The following CACNA2D3 variants were observed in gnomAD, a reference collection of about 807,000 sequenced individuals.
CACNA2D3 encodes the protein calcium voltage-gated channel auxiliary subunit alpha2delta 3.
In CACNA2D3, 60 loss-of-function variants were observed where a neutral mutation model predicts 160.6. The observed-to-expected ratio is 0.37, with a 90% CI of 0.30 to 0.46. The LOEUF (loss-of-function observed/expected upper bound fraction) is 0.46. Ranked by LOEUF, CACNA2D3 falls within the 20% of genes least tolerant of loss-of-function variation. The probability of loss-of-function intolerance (pLI) is 1.00; values close to 1 mark genes in which losing one functional copy is unlikely to be tolerated. For synonymous variants in CACNA2D3, 558 were observed against 492.9 expected (o/e 1.13, Z -1.75); for missense variants, 1,205 against 1,365.0 (o/e 0.88, Z 1.85).
chr3:54,736,119 A>ATACATG (rs1701521749), intron 11 of CACNA2D3, among the ~76,000 whole-genome samples: 1 of 48,366 alleles, frequency 2.1e-5, no homozygotes, highest in Non-Finnish European at 3.8e-5. Context: ...GTATATATAT[A>ATACATG]CATATATATA....
At chr3:54,952,818 G>A (rs1315733743) in intron 27 of CACNA2D3, among the ~76,000 whole-genome samples, 1 of 152,136 alleles carries the variant, frequency 6.6e-6, no homozygotes, top group Non-Finnish European at 1.5e-5. Context: ...ATCTATCTAT[G>A]AGGATTCCAC....
chr3:54,787,631 G>T (rs1702666886), intron 13 of CACNA2D3, among the ~76,000 whole-genome samples: 1 of 152,112 alleles, frequency 6.6e-6, no homozygotes, highest in East Asian at 1.9e-4. Context: ...TTTAACAAAG[G>T]GTAATAAATT....
In CACNA2D3 at chr3:54,226,112, A is replaced by G. The variant is rs183678764; in HGVS notation, c.205-94330A>G. 3.3e-3 allele frequency among the ~76,000 whole-genome samples: 497 copies of G among 152,138 alleles called. 2 individuals carry two copies. Among genetic ancestry groups the G allele is most frequent in the African/African-American group, 0.011 (450 of 41,476 alleles). On this transcript the variant is annotated intron_variant, in intron 2 of 37. Transcript: ENST00000474759. ...CTCAATGTCATTGGCACTGAACTCC[A>G]GTGTTTTTCTCCCCAGCATCGTGAG...
At chr3:54,607,411 T>C (rs558434611) in intron 9 of CACNA2D3, among the ~76,000 whole-genome samples, 257 of 152,222 alleles carry the variant, frequency 1.7e-3, no homozygotes, top group Non-Finnish European at 3.1e-3. Context: ...AACCTCCACC[T>C]CCTGGGTTCA....
intron 27 of CACNA2D3, among the ~76,000 whole-genome samples, chr3:54,929,183 C>T (rs567237353): frequency 6.6e-6 from 1 of 152,158 alleles, no homozygotes; most frequent in South Asian, 2.1e-4. Context: ...AGTGACTTAC[C>T]CACCCAGAGC....
rs1014041961 is a variant in CACNA2D3, at chr3:54,309,441, T to C, written c.205-11001T>C. Among the ~76,000 whole-genome samples the C allele has an allele frequency of 3.5e-4, 53 of 152,204 alleles. 1 individual carries two copies. The highest frequency in any genetic ancestry group is 4.4e-5 in the Non-Finnish European group (3 of 68,040). On this transcript the variant is annotated intron_variant, in intron 2 of 37. Coordinates refer to ENST00000474759, the MANE Select transcript of CACNA2D3 (RefSeq NM_018398.3). Reference sequence around the variant, plus strand: ...TTATGCAATCTATGAAGATTTTTTTTAAGAGTATAGACAGTAAAACAGGAG... The same window carrying C: ...TTATGCAATCTATGAAGATTTTTTTCAAGAGTATAGACAGTAAAACAGGAG...
chr3:54,633,931 C>G (rs933504956), intron 10 of CACNA2D3, among the ~76,000 whole-genome samples: 1 of 152,092 alleles, frequency 6.6e-6, no homozygotes, highest in African/African-American at 2.4e-5. Flanking sequence ...AGTGCTTTCC[C>G]CTATGCCATG....
chr3:54,770,229 G>A (rs989407080), intron 13 of CACNA2D3, among the ~76,000 whole-genome samples: 60 of 152,096 alleles, frequency 3.9e-4, no homozygotes, highest in Admixed American at 3.9e-3. Flanking sequence ...TTTAGTAGTG[G>A]TATTTACATT....
At chr3:54,908,890 A>G (rs1450413721) in intron 27 of CACNA2D3, among the ~76,000 whole-genome samples, 1 of 152,226 alleles carries the variant, frequency 6.6e-6, no homozygotes, top group Non-Finnish European at 1.5e-5. Flanking sequence ...AGCCAAAAAT[A>G]TCCACTACCT....
intron 27 of CACNA2D3, among the ~76,000 whole-genome samples, chr3:54,948,069 T>A (rs1273942826): frequency 6.6e-6 from 1 of 152,206 alleles, no homozygotes; most frequent in African/African-American, 2.4e-5. Flanking sequence ...ACGGAGGAGA[T>A]GGTGATGTCC....
Position 54,521,567 on chromosome 3 carries a change from A to G in CACNA2D3, c.544+17913A>G, listed in dbSNP as rs77316392. 9.8e-3 allele frequency among the ~76,000 whole-genome samples: 1,487 copies of G among 152,270 alleles called. 31 individuals are homozygous for G. Among genetic ancestry groups the G allele is most frequent in the African/African-American group, 0.034 (1,412 of 41,550 alleles). On this transcript the variant is annotated intron_variant, in intron 5 of 37. Transcript: ENST00000474759. ...AATTTTGATGAAGTCCAATTTACCT[A>G]TTTTTAAATTTTGTTACTCATACTA...
At chr3:54,467,217 T>C (rs573555430) in intron 4 of CACNA2D3, among the ~76,000 whole-genome samples, 3 of 152,288 alleles carry the variant, frequency 2.0e-5, no homozygotes, top group Non-Finnish European at 4.4e-5. Flanking sequence ...AATGTGAGTC[T>C]AACCAACTGG....
rs938138869 is a variant in CACNA2D3, at chr3:54,436,830, C to T, written c.381+50056C>T. 3.3e-5 allele frequency among the ~76,000 whole-genome samples: 5 copies of T among 152,086 alleles called. No individual in the cohort carries two copies. In the East Asian group the frequency reaches 9.7e-4, roughly 29 times the overall value. Reference sequence around the variant, plus strand: ...CATTAGGACAAATATGTAAGGCATGCGGGGCTTAAAACCTAGATGACGGGT... The same window carrying T: ...CATTAGGACAAATATGTAAGGCATGTGGGGCTTAAAACCTAGATGACGGGT... On this transcript the variant is annotated intron_variant, in intron 4 of 37. Coordinates refer to ENST00000474759, the MANE Select transcript of CACNA2D3 (RefSeq NM_018398.3).
chr3:54,992,848 A>T (rs1702772378), intron 31 of CACNA2D3, among the ~76,000 whole-genome samples: 1 of 151,812 alleles, frequency 6.6e-6, no homozygotes, highest in African/African-American at 2.4e-5. Context: ...GGTTTAATTG[A>T]CTCACAGTTC....
intron 27 of CACNA2D3, among the ~76,000 whole-genome samples, chr3:54,954,982 C>T (rs923945523): frequency 5.5e-4 from 84 of 152,324 alleles, no homozygotes; most frequent in African/African-American, 2.0e-3. Flanking sequence ...TGGGCACCAG[C>T]TATGCTTAGG....
At chr3:54,691,470 A>G (rs1700568935) in intron 11 of CACNA2D3, among the ~76,000 whole-genome samples, 1 of 152,218 alleles carries the variant, frequency 6.6e-6, no homozygotes, top group South Asian at 2.1e-4. Context: ...GGCAATATTC[A>G]GTCAATGAGG....
chr3:54,981,256 G>T (rs561151563), intron 29 of CACNA2D3, among the ~76,000 whole-genome samples: 2 of 152,238 alleles, frequency 1.3e-5, no homozygotes, highest in African/African-American at 4.8e-5. Flanking sequence ...CTTGAACAGT[G>T]GTTTTATGGG....
chr3:54,925,235 A>G (rs895360521), intron 27 of CACNA2D3: 1 of 1,592,218 alleles, frequency 6.3e-7, no homozygotes, highest in Non-Finnish European at 8.6e-7. Context: ...ACAGAAAGAA[A>G]TTGGGATAGG....
At position 54,468,377 on chromosome 3, in the gene CACNA2D3, C is replaced by T. The variant is rs376721019; in HGVS notation, c.382-35115C>T. On this transcript the variant is annotated intron_variant, in intron 4 of 37. Transcript: ENST00000474759. Reference sequence around the variant, plus strand: ...CAAGGGAAGCCATGAGGGACTGTGCCGTGAGGAATGGTGCATTCCAGCCAG... The same window carrying T: ...CAAGGGAAGCCATGAGGGACTGTGCTGTGAGGAATGGTGCATTCCAGCCAG... 1.2e-4 allele frequency among the ~76,000 whole-genome samples: 19 copies of T among 152,252 alleles called. No individual in the cohort carries two copies. In the East Asian group the frequency reaches 1.4e-3, roughly 11 times the overall value.
Sources: gnomAD v4.1 joint callset for allele counts (sites outside exome capture counted in the v4.1 genomes callset) on GRCh38, gnomAD v4.1.1 for gene constraint, MANE v1.5 for transcripts, NCBI Gene and HGNC (gene_info 2026-07-23, HGNC 2026-07-21) for gene names.